PLXDC2: variants seen among roughly 807,000 people sequenced by gnomAD.
The protein encoded by PLXDC2 is plexin domain containing 2.
A neutral mutation model predicts 68.9 loss-of-function variants in PLXDC2; 40 were observed. The ratio of observed to expected loss-of-function variants is 0.58; its 90% CI spans 0.45 to 0.76. PLXDC2 has a LOEUF of 0.76. Among genes scored for constraint, PLXDC2 ranks in the 30% least tolerant of loss-of-function variants. The pLI is 0.00. For missense variants in PLXDC2, 644 were observed against 661.9 expected, an observed-to-expected ratio of 0.97 and a Z score of 0.30; for synonymous variants, 243 against 234.2, an observed-to-expected ratio of 1.04 and a Z score of -0.34.
chr10:19,954,941 G>C (rs1311689533), intron 1 of PLXDC2, among the ~76,000 whole-genome samples: 1 of 152,084 alleles, frequency 6.6e-6, no homozygotes, highest in Non-Finnish European at 1.5e-5. Flanking sequence ...TTTTCCTAAA[G>C]CAAATGGGTG....
chr10:20,089,698 G>A (rs12264569), intron 4 of PLXDC2, among the ~76,000 whole-genome samples: 13,816 of 152,138 alleles, frequency 0.091, 1,500 homozygotes, highest in African/African-American at 0.26. Flanking sequence ...ACAGTGGTGC[G>A]TAAATTGGTC....
rs564371603 is a variant in PLXDC2, at chr10:19,957,481, G to T, written c.113-44294G>T. Among the ~76,000 whole-genome samples, 3 of 152,088 alleles carry T rather than the reference G, an allele frequency of 2.0e-5. No individual in the cohort carries two copies. The South Asian group carries it at 6.2e-4, about 32-fold the overall frequency. On this transcript the variant is annotated intron_variant, in intron 1 of 13. Transcript: ENST00000377252. ...CATGTATAGAATTTTACAAAAATTA[G>T]GTCAATTTTGTAAGGTTTTTAACTT...
chr10:20,219,513 C>T (rs1466371777), intron 12 of PLXDC2, among the ~76,000 whole-genome samples: 1 of 152,028 alleles, frequency 6.6e-6, no homozygotes, highest in Non-Finnish European at 1.5e-5. Context: ...AATATATTGT[C>T]CTAGGTCTTT....
intron 1 of PLXDC2, among the ~76,000 whole-genome samples, chr10:19,932,522 A>C (rs535238894): frequency 3.3e-5 from 5 of 152,314 alleles, no homozygotes; most frequent in South Asian, 4.1e-4. Flanking sequence ...TTCACACACT[A>C]TACAGCGTTT....
At chr10:20,081,953 G>T (rs891974378) in intron 4 of PLXDC2, among the ~76,000 whole-genome samples, 3 of 149,394 alleles carry the variant, frequency 2.0e-5, no homozygotes, top group African/African-American at 7.4e-5. Flanking sequence ...GCTGAGGCAG[G>T]AGGATTGCCT....
At chr10:20,013,999 A>G (rs1835160369) in intron 2 of PLXDC2, among the ~76,000 whole-genome samples, 1 of 152,196 alleles carries the variant, frequency 6.6e-6, no homozygotes, top group Non-Finnish European at 1.5e-5. Flanking sequence ...ATTCATTAGA[A>G]ATTTTTCTCA....
intron 9 of PLXDC2, among the ~76,000 whole-genome samples, chr10:20,178,003 A>T (rs976777178): frequency 2.6e-5 from 4 of 152,120 alleles, no homozygotes; most frequent in South Asian, 4.1e-4. Context: ...ATTATAGAGC[A>T]GTTGATGAGC....
intron 12 of PLXDC2, 125 bp from the exon 13 acceptor site, chr10:20,245,220 A>G (rs1185820157): frequency 7.8e-6 from 8 of 1,027,034 alleles, no homozygotes; most frequent in East Asian, 2.7e-5. Context: ...TTGATGTTGC[A>G]GAAAAGTTGT....
At chr10:20,019,032 C>G (rs1160169419) in intron 2 of PLXDC2, among the ~76,000 whole-genome samples, 2 of 152,198 alleles carry the variant, frequency 1.3e-5, no homozygotes, top group African/African-American at 4.8e-5. Flanking sequence ...GTGATCCCAG[C>G]ACTTTGGGAG....
intron 4 of PLXDC2, among the ~76,000 whole-genome samples, chr10:20,126,323 A>G (rs890500892): frequency 1.4e-5 from 2 of 147,136 alleles, no homozygotes; most frequent in African/African-American, 4.9e-5. Context: ...TATATAATAT[A>G]TACATATACG....
intron 4 of PLXDC2, among the ~76,000 whole-genome samples, chr10:20,110,639 G>A (rs894777361): frequency 6.6e-5 from 10 of 152,092 alleles, no homozygotes; most frequent in Admixed American, 1.3e-4. Context: ...CTGAACGCCG[G>A]TCACTGTCAC....
chr10:19,936,354 CA>C (rs1302719391), intron 1 of PLXDC2, among the ~76,000 whole-genome samples: 1 of 152,132 alleles, frequency 6.6e-6, no homozygotes, highest in East Asian at 1.9e-4. Flanking sequence ...TGTAAAGAGA[CA>C]GATGGTAAAT....
intron 4 of PLXDC2, among the ~76,000 whole-genome samples, chr10:20,124,297 A>C (rs997477296): frequency 8.5e-5 from 13 of 152,176 alleles, no homozygotes; most frequent in African/African-American, 3.1e-4. Flanking sequence ...ATTGAAATTA[A>C]GAGAAGGGAG....
chr10:20,206,108 A>G (rs1834987562), intron 9 of PLXDC2, among the ~76,000 whole-genome samples: 1 of 152,172 alleles, frequency 6.6e-6, no homozygotes, highest in South Asian at 2.1e-4. Context: ...CATTACATAC[A>G]TATATCATAA....
At chr10:20,271,548 G>C (rs972670495) in intron 13 of PLXDC2, among the ~76,000 whole-genome samples, 1 of 152,180 alleles carries the variant, frequency 6.6e-6, no homozygotes. Flanking sequence ...ACCTGAACAT[G>C]TGACTTTTTT....
intron 3 of PLXDC2, among the ~76,000 whole-genome samples, chr10:20,056,694 T>C (rs1443963080): frequency 6.6e-6 from 1 of 152,188 alleles, no homozygotes; most frequent in Non-Finnish European, 1.5e-5. Context: ...GTTGCCTTCT[T>C]ATTTGACAGA....
At chr10:20,258,365 G>C (rs1835769450) in intron 13 of PLXDC2, among the ~76,000 whole-genome samples, 1 of 151,796 alleles carries the variant, frequency 6.6e-6, no homozygotes, top group Non-Finnish European at 1.5e-5. Flanking sequence ...GAGAGCTTTG[G>C]GTATATAGCA....
intron 1 of PLXDC2, among the ~76,000 whole-genome samples, chr10:19,901,246 C>A (rs1208049309): frequency 6.6e-6 from 1 of 152,038 alleles, no homozygotes; most frequent in African/African-American, 2.4e-5. Context: ...TTCAAGGAAT[C>A]TCTACACTGT....
At chr10:20,191,192 G>T (rs947748478) in intron 9 of PLXDC2, among the ~76,000 whole-genome samples, 2 of 151,758 alleles carry the variant, frequency 1.3e-5, no homozygotes, top group Non-Finnish European at 2.9e-5. Flanking sequence ...AAGATTTATT[G>T]GTTGAACAAA....
Sources: gnomAD v4.1 joint callset for allele counts (sites outside exome capture counted in the v4.1 genomes callset) on GRCh38, gnomAD v4.1.1 for gene constraint, MANE v1.5 for transcripts, NCBI Gene and HGNC (gene_info 2026-07-23, HGNC 2026-07-21) for gene names.